Variants in SMARCD2 observed in about 807,000 individuals in gnomAD.
SMARCD2 encodes the protein SWI/SNF-related matrix-associated actin-dependent regulator of chromatin subfamily D member 2.
SMARCD2 carries 39 observed loss-of-function variants against 70.4 expected under a neutral mutation model. The ratio of observed to expected loss-of-function variants is 0.55; its 90% CI spans 0.43 to 0.72. The LOEUF is 0.72. Among genes scored for constraint, SMARCD2 ranks in the 30% least tolerant of loss-of-function variants. The probability of loss-of-function intolerance (pLI) is 0.00; values close to 1 mark genes in which losing one functional copy is unlikely to be tolerated. For missense variants in SMARCD2, 540 were observed against 713.4 expected (o/e 0.76, Z 2.77); for synonymous variants, 249 against 279.4 (o/e 0.89, Z 1.08).
rs1252690320 is a variant in SMARCD2 at position 63,837,998 on chromosome 17, G to A, written c.217-373C>T. ...GGTCCCTATTCTCTCAGACAGTCCT[G>A]CCAAGCCCTGCCCTCCTTCTCTTTC... On this transcript the variant is annotated intron_variant, in intron 1 of 12. Transcript: ENST00000448276. This position sits in a 1 kb window ranked among gnomAD's most constrained non-coding sequence, Gnocchi z 6.4. 6.6e-6 allele frequency among the ~76,000 whole-genome samples: 1 copy of A among 152,106 alleles called. No individual in the cohort carries two copies. Among genetic ancestry groups the A allele is most frequent in the Non-Finnish European group, 1.5e-5 (1 of 67,996 alleles).
chr17:63,836,498 C>CGGAAAAAAAAAAAAAAAA (rs1214342690), intron 4 of SMARCD2, among the ~76,000 whole-genome samples: 2 of 98,236 alleles, frequency 2.0e-5, no homozygotes, highest in Non-Finnish European at 3.8e-5. Flanking sequence ...GACTCCATCT[C>CGGAAAAAAAAAAAAAAAA]AGAAAAAAAA....
rs1224405297 is a variant in SMARCD2, at chr17:63,834,583, G to A, written c.820-8C>T. On this transcript the variant is annotated splice_polypyrimidine_tract_variant and splice_region_variant and intron_variant, in intron 6 of 12. Transcript: ENST00000448276. The surrounding 1 kb of genome is among the most constrained non-coding windows in gnomAD (Gnocchi z 5.6). ...GGTGGGCATCCGGTGCCACTGGCAG[G>A]GAGGGAAGCATGGCTTATCACCAAG... 1.9e-6 allele frequency: 3 copies of A among 1,598,640 alleles called. No homozygotes were observed. The Admixed American group carries it at 5.1e-5, about 27-fold the overall frequency.
At chr17:63,842,077 C>A (rs779520303) in intron 1 of SMARCD2, among the ~76,000 whole-genome samples, 4 of 152,214 alleles carry the variant, frequency 2.6e-5, no homozygotes, top group Admixed American at 6.5e-5. Context: ...AAGGCCGATG[C>A]AGGGTAACCC....
In SMARCD2 at chr17:63,837,646, G is replaced by A. The variant is rs773682155; in HGVS notation, c.217-21C>T. 8 of 1,606,192 alleles carry A rather than the reference G, an allele frequency of 5.0e-6. No individual in the cohort carries two copies. Among genetic ancestry groups the A allele is most frequent in the East Asian group, 2.2e-5 (1 of 44,778 alleles). On this transcript the variant is annotated intron_variant, in intron 1 of 12. Transcript: ENST00000448276. The surrounding 1 kb of genome is among the most constrained non-coding windows in gnomAD (Gnocchi z 6.4). The stretch of plus-strand genomic sequence containing the variant: ...GGTCGCTGGGGGAAGTGAGCCAACG[G>A]GGGTGCATAGGTCAGGGGCAAGGCC...
chr17:63,833,117 G>A lies in SMARCD2; in HGVS notation c.1494C>T (p.Tyr498=), dbSNP rs1276772437. Residue 498 remains tyrosine, a synonymous_variant, in exon 12 of 13, where the codon TAC becomes TAT. Transcript: ENST00000448276. This position sits in a 1 kb window ranked among gnomAD's most constrained non-coding sequence, Gnocchi z 4.3. ...NPEEERRAAF[Y]HQPWAQEAVG... ...CTGCTTCCTGGGCCCAGGGCTGGTG[G>A]TAGAAAGCAGCTCGTCTCTCCTCCT... 3 of 1,606,418 alleles carry A rather than the reference G, an allele frequency of 1.9e-6. No homozygotes were observed. Among genetic ancestry groups the A allele is most frequent in the Non-Finnish European group, 2.6e-6 (3 of 1,176,454 alleles).
At chr17:63,838,582 T>C (rs1319036656) in intron 1 of SMARCD2, 2 of 1,443,226 alleles carry the variant, frequency 1.4e-6, no homozygotes, top group East Asian at 5.3e-5. Context: ...AAATAGCTTC[T>C]TTAGATGCCT....
Position 63,842,598 on chromosome 17 carries a change from C to T in SMARCD2, c.77G>A (p.Gly26Glu). Residue 26 changes from glycine (G) to glutamate (E), a missense_variant, in exon 1 of 13, where the codon GGA becomes GAA. Physicochemically the swap from Gly to Glu is moderately conservative, Grantham distance 98. Transcript: ENST00000448276. ...PGGGAVAAAL[G>E]APPPPAGPGM... ...GGGTCCCGCGGGGGGAGGCGGCGCT[C>T]CCAGGGCCGCAGCCACGGCGCCGCC... The T allele has an allele frequency of 8.2e-7, 1 of 1,219,612 alleles. No homozygotes were observed. Among genetic ancestry groups the T allele is most frequent in the South Asian group, 3.9e-5 (1 of 25,708 alleles). The allele number at this position is 1,219,612 out of a possible 1,614,324, so 75.5% of individuals were successfully genotyped here.
At position 63,834,033 on chromosome 17, in the gene SMARCD2, T is replaced by C. The variant is rs759560526; in HGVS notation, c.1084-27A>G. The C allele has an allele frequency of 4.5e-5, 72 of 1,606,706 alleles. No homozygotes were observed. The South Asian group carries it at 7.1e-4, about 16-fold the overall frequency. ...TGGAGGAAATACGAAAGGCTCAGCGTTGGCTTGTGGGCACAGTGGAGTGGA... is the reference window on the plus strand; with the variant it reads ...TGGAGGAAATACGAAAGGCTCAGCGCTGGCTTGTGGGCACAGTGGAGTGGA... On this transcript the variant is annotated intron_variant, in intron 8 of 12. Coordinates refer to ENST00000448276, the MANE Select transcript of SMARCD2 (RefSeq NM_001098426.2). This position sits in a 1 kb window ranked among gnomAD's most constrained non-coding sequence, Gnocchi z 5.6.
intron 4 of SMARCD2, among the ~76,000 whole-genome samples, chr17:63,835,855 T>TGA (rs1567761825): frequency 5.3e-5 from 8 of 151,176 alleles, no homozygotes; most frequent in African/African-American, 1.7e-4. Flanking sequence ...CAGTCTCCCA[T>TGA]GTAGCTGGGA....
At chr17:63,836,205 C>A (rs541769877) in intron 4 of SMARCD2, among the ~76,000 whole-genome samples, 22 of 151,798 alleles carry the variant, frequency 1.4e-4, no homozygotes, top group Admixed American at 3.9e-4. Context: ...CTTCACCACT[C>A]GGGACTGTTC....
Position 63,833,102 on chromosome 17 carries a change from G to A in SMARCD2, c.1509C>T (p.Ala503=). ...AGATGTGCCTGCCTACTGCTTCCTG[G>A]GCCCAGGGCTGGTGGTAGAAAGCAG... ...RRAAFYHQPW[A]QEAVGRHIFA... is the part of the protein sequence containing the mutation. The change falls in exon 12 of 13, where the codon GCC becomes GCT. Residue 503 remains alanine, a synonymous_variant. Coordinates refer to ENST00000448276, the MANE Select transcript of SMARCD2 (RefSeq NM_001098426.2). The surrounding 1 kb of genome is among the most constrained non-coding windows in gnomAD (Gnocchi z 4.3). 1 of 1,603,958 alleles carries A rather than the reference G, an allele frequency of 6.2e-7. No homozygotes were observed. Among genetic ancestry groups the A allele is most frequent in the Non-Finnish European group, 8.5e-7 (1 of 1,175,356 alleles).
At chr17:63,838,776 C>G (rs114076767) in intron 1 of SMARCD2, 1 of 1,270,558 alleles carries the variant, frequency 7.9e-7, no homozygotes, top group Non-Finnish European at 9.9e-7. Context: ...GATTATGCAA[C>G]GAGCACAACC....
chr17:63,838,062 G>GGCA (rs930487341), intron 1 of SMARCD2, among the ~76,000 whole-genome samples: 1 of 152,120 alleles, frequency 6.6e-6, no homozygotes, highest in African/African-American at 2.4e-5. Flanking sequence ...GAGGCACAGG[G>GGCA]GCAGTGTCAC....
rs767961220 is a variant in SMARCD2 at position 63,833,310 on chromosome 17, G to A, written c.1428C>T (p.Arg476=). ...AAGAGGACTACACCTTGAGGTCTCG[G>A]CGCTGGGAACGGAGCCATTCCTGGA... ...DFIQEWLRSQ[R]RDLKIITDVI... is the part of the protein sequence containing the mutation. The change falls in exon 11 of 13, where the codon CGC becomes CGT. Residue 476 remains arginine (R), a synonymous_variant. Coordinates refer to ENST00000448276, the MANE Select transcript of SMARCD2 (RefSeq NM_001098426.2). The surrounding 1 kb of genome is among the most constrained non-coding windows in gnomAD (Gnocchi z 4.3). 9.2e-5 allele frequency: 148 copies of A among 1,613,874 alleles called. No homozygotes were observed. The highest frequency in any genetic ancestry group is 1.2e-4 in the Non-Finnish European group (145 of 1,179,890).
Position 63,837,769 on chromosome 17 carries a change from G to T in SMARCD2, c.217-144C>A. Reference sequence around the variant, plus strand: ...CTGCTGGAGCCCCAGGAACAAAGGGGAGTGGGCGCCTGAGCACAGAGTGTA... The same window carrying T: ...CTGCTGGAGCCCCAGGAACAAAGGGTAGTGGGCGCCTGAGCACAGAGTGTA... On this transcript the variant is annotated intron_variant, in intron 1 of 12. Coordinates refer to ENST00000448276, the MANE Select transcript of SMARCD2 (RefSeq NM_001098426.2). The surrounding 1 kb of genome is among the most constrained non-coding windows in gnomAD (Gnocchi z 6.4). 1 of 680,070 alleles carries T rather than the reference G, an allele frequency of 1.5e-6. No individual in the cohort carries two copies. 42.1% of individuals were successfully genotyped at this position (680,070 alleles called of 1,614,324 possible). A position where few individuals can be genotyped will look rare whatever the true frequency, so the allele number is the denominator to read the frequency against.
At position 63,832,776 on chromosome 17, in the gene SMARCD2, G is replaced by A. The variant is rs1268132892; in HGVS notation, c.*162C>T. Reference sequence around the variant, plus strand: ...AAAAGTATAAGGCTTTGGGGACCAAGCAACAAGGAATCCTATCACTACATT... The same window carrying A: ...AAAAGTATAAGGCTTTGGGGACCAAACAACAAGGAATCCTATCACTACATT... On this transcript the variant is annotated 3_prime_UTR_variant, in exon 13 of 13. Transcript: ENST00000448276. 5 of 674,544 alleles carry A rather than the reference G, an allele frequency of 7.4e-6. No homozygotes were observed. Among genetic ancestry groups the A allele is most frequent in the Non-Finnish European group, 7.8e-6 (3 of 383,240 alleles). 41.8% of individuals were successfully genotyped at this position (674,544 alleles called of 1,614,324 possible).
At chr17:63,838,305 A>C (rs1444349927) in intron 1 of SMARCD2, among the ~76,000 whole-genome samples, 1 of 151,912 alleles carries the variant, frequency 6.6e-6, no homozygotes, top group Non-Finnish European at 1.5e-5. Flanking sequence ...CACAGCCCAG[A>C]ACTGGACCCT....
chr17:63,840,169 T>C (rs1904401616), intron 1 of SMARCD2, among the ~76,000 whole-genome samples: 1 of 151,744 alleles, frequency 6.6e-6, no homozygotes, highest in South Asian at 2.1e-4. Context: ...TTGAACTCTC[T>C]GGAGTGAACC....
In SMARCD2 at chr17:63,833,860, G is replaced by A; in HGVS notation, c.1181+49C>T. On this transcript the variant is annotated intron_variant, in intron 9 of 12. Transcript: ENST00000448276. This position sits in a 1 kb window ranked among gnomAD's most constrained non-coding sequence, Gnocchi z 4.3. ...TTCTTTGGCTTTAGTTCAAGCCAAG[G>A]GTGAATCTGCTCTTAGAAGAGCCTT... 6.4e-7 allele frequency: 1 copy of A among 1,550,582 alleles called. No homozygotes were observed. Among genetic ancestry groups the A allele is most frequent in the Non-Finnish European group, 8.9e-7 (1 of 1,123,326 alleles).
Sources: gnomAD v4.1 joint callset for allele counts (sites outside exome capture counted in the v4.1 genomes callset) on GRCh38, gnomAD v4.1.1 for gene constraint, Gnocchi (gnomAD v3.1) non-coding constraint, MANE v1.5 for transcripts, NCBI Gene and HGNC (gene_info 2026-07-23, HGNC 2026-07-21) for gene names.